GRID2: variants seen among roughly 807,000 people sequenced by gnomAD.
The protein encoded by GRID2 is glutamate ionotropic receptor delta type subunit 2, also known as glutamate receptor ionotropic, delta-2.
Under a neutral mutation model 114.8 loss-of-function variants are expected in GRID2, and 33 were observed. The ratio of observed to expected loss-of-function variants is 0.29; its 90% CI spans 0.22 to 0.38. The LOEUF is 0.38. GRID2 is among the 10% of genes least tolerant of loss of function. GRID2 has a pLI of 1.00. For missense variants in GRID2, 1,184 were observed against 1,257.7 expected (o/e 0.94, Z 0.89); for synonymous variants, 505 against 449.9 (o/e 1.12, Z -1.55).
At chr4:93,133,308 GT>G (rs1734966624) in intron 4 of GRID2, among the ~76,000 whole-genome samples, 3 of 152,106 alleles carry the variant, frequency 2.0e-5, no homozygotes, top group Non-Finnish European at 4.4e-5. Flanking sequence ...CATAGGTTTG[GT>G]TTTTCCCAAG....
chr4:93,605,647 C>G (rs1181438321), intron 13 of GRID2, among the ~76,000 whole-genome samples: 1 of 152,110 alleles, frequency 6.6e-6, no homozygotes, highest in Non-Finnish European at 1.5e-5. Flanking sequence ...GTGAATAATT[C>G]TTCAACAAAA....
At chr4:93,238,238 T>C (rs754164747) in intron 7 of GRID2, 133 bp from the exon 8 acceptor site, 1 of 550,430 alleles carries the variant, frequency 1.8e-6, no homozygotes, top group Non-Finnish European at 3.1e-6. Flanking sequence ...TTTTAAAAAG[T>C]AGTCTGTTAA....
intron 2 of GRID2, among the ~76,000 whole-genome samples, chr4:93,046,129 T>C (rs542369200): frequency 1.0e-3 from 156 of 152,172 alleles, no homozygotes; most frequent in African/African-American, 3.6e-3. Flanking sequence ...TAATAAACAT[T>C]TATTTTCAGG....
intron 1 of GRID2, among the ~76,000 whole-genome samples, chr4:92,473,295 A>G (rs914192050): frequency 1.7e-4 from 26 of 152,094 alleles, no homozygotes; most frequent in African/African-American, 5.6e-4. Context: ...GAAAACTTGC[A>G]AAACACTTTT....
intron 4 of GRID2, among the ~76,000 whole-genome samples, chr4:93,131,753 A>G (rs1293369673): frequency 1.3e-5 from 2 of 152,160 alleles, no homozygotes; most frequent in African/African-American, 4.8e-5. Context: ...TCAAACATTA[A>G]TCATTTCTTC....
chr4:93,254,333 A>G (rs2149536654), intron 8 of GRID2, among the ~76,000 whole-genome samples: 1 of 152,240 alleles, frequency 6.6e-6, no homozygotes. Flanking sequence ...AACAGCTTGG[A>G]TTAATATAGG....
At chr4:92,670,423 C>G (rs1039344029) in intron 2 of GRID2, among the ~76,000 whole-genome samples, 2 of 151,892 alleles carry the variant, frequency 1.3e-5, no homozygotes, top group Non-Finnish European at 2.9e-5. Flanking sequence ...TCTTCTTTCA[C>G]AGTTATTTCA....
chr4:92,308,626 A>G (rs1282696968), intron 1 of GRID2, among the ~76,000 whole-genome samples: 40 of 152,190 alleles, frequency 2.6e-4, no homozygotes, highest in Admixed American at 2.6e-3. Flanking sequence ...CACATTAAAA[A>G]CAATAATAGA....
intron 1 of GRID2, among the ~76,000 whole-genome samples, chr4:92,473,855 A>C (rs1722159746): frequency 6.6e-6 from 1 of 151,886 alleles, no homozygotes; most frequent in Non-Finnish European, 1.5e-5. Context: ...TGAACATAAA[A>C]ATTAGTATAT....
chr4:92,845,129 C>G (rs763611142), intron 2 of GRID2, among the ~76,000 whole-genome samples: 2 of 152,020 alleles, frequency 1.3e-5, no homozygotes, highest in African/African-American at 4.8e-5. Context: ...TTGATGGTCC[C>G]CTGAAAGGTC....
In GRID2 at chr4:92,349,354, A is replaced by T. The variant is rs147276131; in HGVS notation, c.88+44610A>T. Among the ~76,000 whole-genome samples the T allele has an allele frequency of 4.1e-4, 63 of 152,050 alleles. 1 individual carries two copies. The highest frequency in any genetic ancestry group is 1.4e-3 in the African/African-American group (59 of 41,560). ...TCCGTTTTTAATGAGTATGCACGTG[A>T]TCAATTGTCAAGTTAATAATGCCAA... is the stretch of plus-strand genomic sequence containing the variant. On this transcript the variant is annotated intron_variant, in intron 1 of 15. Transcript: ENST00000282020.
Position 93,773,691 on chromosome 4 carries a change from A to T in GRID2, c.*1193A>T. The T allele has an allele frequency of 6.6e-6, 1 of 152,128 alleles. No homozygotes were observed. The highest frequency in any genetic ancestry group is 1.9e-4 in the East Asian group (1 of 5,202). The allele number at this position is 152,128 out of a possible 1,614,324, so 9.4% of individuals were successfully genotyped here. ...GCAAGTCAATCAATACAATAATGAT[A>T]TTTGGGGAGGGGTGGGAGCCCTTAA... is the stretch of plus-strand genomic sequence containing the variant. On this transcript the variant is annotated 3_prime_UTR_variant, in exon 16 of 16. Transcript: ENST00000282020.
At chr4:92,901,920 C>A (rs1300276595) in intron 2 of GRID2, among the ~76,000 whole-genome samples, 1 of 151,850 alleles carries the variant, frequency 6.6e-6, no homozygotes, top group Non-Finnish European at 1.5e-5. Flanking sequence ...GCTCAATTTT[C>A]AAGAACGGTT....
At chr4:92,561,455 A>G (rs1050491949) in intron 1 of GRID2, among the ~76,000 whole-genome samples, 1 of 152,214 alleles carries the variant, frequency 6.6e-6, no homozygotes, top group Non-Finnish European at 1.5e-5. Context: ...AATGTTTCAT[A>G]CCAGTAGGTA....
chr4:92,846,220 T>C (rs952879600), intron 2 of GRID2, among the ~76,000 whole-genome samples: 2 of 152,104 alleles, frequency 1.3e-5, no homozygotes, highest in Non-Finnish European at 1.5e-5. Context: ...TGTTACATGG[T>C]ATATCGTGTG....
chr4:92,460,531 T>C (rs1721444041), intron 1 of GRID2, among the ~76,000 whole-genome samples: 1 of 152,196 alleles, frequency 6.6e-6, no homozygotes, highest in East Asian at 1.9e-4. Flanking sequence ...ACAATTGTTA[T>C]TTCTGATACT....
intron 1 of GRID2, among the ~76,000 whole-genome samples, chr4:92,432,808 A>G (rs969960601): frequency 6.6e-6 from 1 of 152,232 alleles, no homozygotes; most frequent in Non-Finnish European, 1.5e-5. Context: ...TTCCTCAAAC[A>G]GAAGGAGCCT....
At chr4:92,693,761 T>C (rs1324646526) in intron 2 of GRID2, among the ~76,000 whole-genome samples, 1 of 152,194 alleles carries the variant, frequency 6.6e-6, no homozygotes, top group African/African-American at 2.4e-5. Context: ...TCAAATCAAT[T>C]TCATGGAACT....
intron 14 of GRID2, among the ~76,000 whole-genome samples, chr4:93,722,174 C>G (rs144044590): frequency 2.6e-5 from 4 of 151,958 alleles, no homozygotes; most frequent in African/African-American, 9.7e-5. Flanking sequence ...CCTCAGCCTA[C>G]CAAAGTGCTA....
Sources: gnomAD v4.1 joint callset for allele counts (sites outside exome capture counted in the v4.1 genomes callset) on GRCh38, gnomAD v4.1.1 for gene constraint, MANE v1.5 for transcripts, NCBI Gene and HGNC (gene_info 2026-07-23, HGNC 2026-07-21) for gene names.